The following GRID2 variants were observed in gnomAD, a reference collection of about 807,000 sequenced individuals.
The protein encoded by GRID2 is glutamate ionotropic receptor delta type subunit 2.
GRID2 carries 33 observed loss-of-function variants against 114.8 expected under a neutral mutation model. That is an observed-to-expected ratio of 0.29 (90% CI 0.22 to 0.38). The LOEUF (loss-of-function observed/expected upper bound fraction) is 0.38, where lower values mean the gene tolerates loss of function less well. Among genes scored for constraint, GRID2 ranks in the 10% least tolerant of loss-of-function variants. The pLI, the probability that GRID2 is intolerant of heterozygous loss-of-function variation, is 1.00. For missense variants in GRID2, 1,184 were observed against 1,257.7 expected, an observed-to-expected ratio of 0.94 and a Z score of 0.89; for synonymous variants, 505 against 449.9, an observed-to-expected ratio of 1.12 and a Z score of -1.55.
chr4:92,770,965 TAGAAC>T (rs984260806), intron 2 of GRID2, among the ~76,000 whole-genome samples: 2 of 151,994 alleles, frequency 1.3e-5, no homozygotes, highest in South Asian at 2.1e-4. Flanking sequence ...AGGTGTTTCT[TAGAAC>T]AGTACTTCTG....
intron 2 of GRID2, among the ~76,000 whole-genome samples, chr4:93,007,424 A>T (rs560183243): frequency 1.8e-4 from 27 of 152,320 alleles, no homozygotes; most frequent in African/African-American, 5.8e-4. Context: ...GTCGTGAGAA[A>T]TCTTCACAGC....
chr4:93,059,032 A>G (rs1371155985), intron 2 of GRID2, among the ~76,000 whole-genome samples: 1 of 152,016 alleles, frequency 6.6e-6, no homozygotes, highest in Non-Finnish European at 1.5e-5. Flanking sequence ...ACCTTGCAAA[A>G]TTTCACCAAA....
At chr4:92,726,668 T>C (rs1736083253) in intron 2 of GRID2, among the ~76,000 whole-genome samples, 1 of 152,086 alleles carries the variant, frequency 6.6e-6, no homozygotes, top group Non-Finnish European at 1.5e-5. Context: ...CACAAAGCAG[T>C]TTGTGAAAAC....
chr4:92,334,353 A>C (rs1230093707), intron 1 of GRID2, among the ~76,000 whole-genome samples: 5 of 151,876 alleles, frequency 3.3e-5, no homozygotes, highest in Non-Finnish European at 7.4e-5. Context: ...TTGTTAGCCT[A>C]CTCCTTCAAA....
intron 1 of GRID2, among the ~76,000 whole-genome samples, chr4:92,463,123 A>G (rs943799206): frequency 6.6e-6 from 1 of 151,986 alleles, no homozygotes; most frequent in African/African-American, 2.4e-5. Flanking sequence ...TTTAAATTGA[A>G]GGTTAAAAGT....
chr4:93,121,542 A>C (rs948888667), intron 4 of GRID2, among the ~76,000 whole-genome samples: 5 of 151,616 alleles, frequency 3.3e-5, no homozygotes, highest in Non-Finnish European at 7.3e-5. Flanking sequence ...TGAATAAGAC[A>C]GAATTTATAT....
chr4:93,269,029 C>A (rs961719499), intron 8 of GRID2, among the ~76,000 whole-genome samples: 1 of 152,020 alleles, frequency 6.6e-6, no homozygotes, highest in Non-Finnish European at 1.5e-5. Context: ...AACCATATGT[C>A]TTACAGATAT....
chr4:92,826,902 T>C (rs1451384031), intron 2 of GRID2, among the ~76,000 whole-genome samples: 2 of 152,100 alleles, frequency 1.3e-5, no homozygotes, highest in African/African-American at 2.4e-5. Context: ...CCAAGTGTTC[T>C]CATGGTGTGG....
intron 8 of GRID2, among the ~76,000 whole-genome samples, chr4:93,329,658 C>G (rs1758223698): frequency 6.6e-6 from 1 of 152,110 alleles, no homozygotes; most frequent in Non-Finnish European, 1.5e-5. Context: ...CTGCAACAGT[C>G]ACAGTAAAAA....
At chr4:93,498,833 G>A (rs1018393785) in intron 12 of GRID2, among the ~76,000 whole-genome samples, 1 of 151,904 alleles carries the variant, frequency 6.6e-6, no homozygotes, top group African/African-American at 2.4e-5. Context: ...AGTAGTGAGA[G>A]TGAATATCTC....
At chr4:92,975,940 A>T (rs532211131) in intron 2 of GRID2, among the ~76,000 whole-genome samples, 19 of 151,784 alleles carry the variant, frequency 1.3e-4, no homozygotes, top group Non-Finnish European at 1.5e-4. Context: ...ATATACACAG[A>T]CACATATACA....
At chr4:93,137,579 A>G (rs1287527975) in intron 4 of GRID2, among the ~76,000 whole-genome samples, 1 of 152,198 alleles carries the variant, frequency 6.6e-6, no homozygotes, top group African/African-American at 2.4e-5. Flanking sequence ...AATAAAAGGT[A>G]CAAGGATGCA....
intron 2 of GRID2, among the ~76,000 whole-genome samples, chr4:92,709,035 G>C (rs1363030968): frequency 6.6e-6 from 1 of 152,168 alleles, no homozygotes; most frequent in African/African-American, 2.4e-5. Context: ...GAGAGTTGGT[G>C]GATCAGCAAA....
chr4:93,494,380 A>G (rs563236855), intron 12 of GRID2, among the ~76,000 whole-genome samples: 1 of 151,594 alleles, frequency 6.6e-6, no homozygotes, highest in Admixed American at 6.6e-5. Context: ...AGAGAGAGAG[A>G]GGGAGAGAAA....
intron 4 of GRID2, among the ~76,000 whole-genome samples, chr4:93,161,841 A>G (rs1198261077): frequency 1.3e-5 from 2 of 151,764 alleles, no homozygotes; most frequent in African/African-American, 4.8e-5. Context: ...AGTTTTTACC[A>G]ATTATGTTTT....
chr4:92,423,086 A>G (rs1731982379), intron 1 of GRID2, among the ~76,000 whole-genome samples: 1 of 152,154 alleles, frequency 6.6e-6, no homozygotes, highest in Admixed American at 6.6e-5. Flanking sequence ...CCATCTTTGT[A>G]GAGAGTAGAT....
intron 2 of GRID2, among the ~76,000 whole-genome samples, chr4:92,757,808 G>A (rs776688682): frequency 1.1e-4 from 17 of 151,506 alleles, no homozygotes; most frequent in East Asian, 5.8e-4. Flanking sequence ...GCAGGGAGCC[G>A]TCTACATAAT....
rs1451709129 is a variant in GRID2, at chr4:93,414,941, T to C, written c.1348-7830T>C. 2.0e-5 allele frequency among the ~76,000 whole-genome samples: 3 copies of C among 152,092 alleles called. 1 individual carries two copies. The highest frequency in any genetic ancestry group is 4.4e-5 in the Non-Finnish European group (3 of 67,982). On this transcript the variant is annotated intron_variant, in intron 9 of 15. Transcript: ENST00000282020. ...ATTTTCAAGTTTTATATGGTTTTTA[T>C]CTTTAATATTTGTGTGGCTTTCTGC...
intron 14 of GRID2, among the ~76,000 whole-genome samples, chr4:93,680,770 G>A (rs1032643100): frequency 6.6e-6 from 1 of 151,912 alleles, no homozygotes; most frequent in Non-Finnish European, 1.5e-5. Flanking sequence ...GTATTGATGG[G>A]ACGTATCTCA....
Sources: gnomAD v4.1 joint callset for allele counts (sites outside exome capture counted in the v4.1 genomes callset) on GRCh38, gnomAD v4.1.1 for gene constraint, MANE v1.5 for transcripts, NCBI Gene and HGNC (gene_info 2026-07-23, HGNC 2026-07-21) for gene names.